Variants in ATP6V1A observed in about 807,000 individuals in gnomAD.
ATP6V1A encodes V-type proton ATPase catalytic subunit A.
Under a neutral mutation model 70.1 loss-of-function variants are expected in ATP6V1A, and 18 were observed. The observed-to-expected ratio is 0.26, with a 90% CI of 0.18 to 0.38. The LOEUF (loss-of-function observed/expected upper bound fraction) is 0.38. ATP6V1A is among the 10% of genes least tolerant of loss of function. The pLI is 1.00. For missense variants in ATP6V1A, 424 were observed against 772.4 expected (o/e 0.55, Z 5.35); for synonymous variants, 232 against 253.8 (o/e 0.91, Z 0.82).
At chr3:113,785,506 CTTTTTT>C (rs987781968) in intron 5 of ATP6V1A, among the ~76,000 whole-genome samples, 2 of 107,170 alleles carry the variant, frequency 1.9e-5, no homozygotes, top group East Asian at 2.7e-4. Context: ...TTTTTCTTTT[CTTTTTT>C]TTTTTTTTTT....
At chr3:113,771,287 T>C (rs1056247078) in intron 1 of ATP6V1A, among the ~76,000 whole-genome samples, 1 of 152,128 alleles carries the variant, frequency 6.6e-6, no homozygotes, top group African/African-American at 2.4e-5. Flanking sequence ...AGAAGAGTTA[T>C]AAACAAATTA....
chr3:113,792,322 A>C (rs1055743431), intron 8 of ATP6V1A, among the ~76,000 whole-genome samples: 1 of 151,980 alleles, frequency 6.6e-6, no homozygotes, highest in Admixed American at 6.6e-5. Context: ...TATGTTTTGC[A>C]TGCATGTTTC....
At chr3:113,800,582 G>T (rs1709200104) in intron 12 of ATP6V1A, among the ~76,000 whole-genome samples, 1 of 152,096 alleles carries the variant, frequency 6.6e-6, no homozygotes, top group Non-Finnish European at 1.5e-5. Context: ...AAAATGGATT[G>T]TTCTCTAATT....
At chr3:113,807,812 AT>A (rs1385413844) in intron 14 of ATP6V1A, among the ~76,000 whole-genome samples, 1 of 151,960 alleles carries the variant, frequency 6.6e-6, no homozygotes, top group East Asian at 1.9e-4. Flanking sequence ...GGAGAGTAAT[AT>A]TTTTCTATTC....
At chr3:113,791,214 T>C (rs1709088645) in intron 8 of ATP6V1A, among the ~76,000 whole-genome samples, 1 of 152,162 alleles carries the variant, frequency 6.6e-6, no homozygotes, top group Non-Finnish European at 1.5e-5. Flanking sequence ...TCATTTCCTC[T>C]CTACTCCTTT....
chr3:113,793,317 C>T (rs1033057505), intron 8 of ATP6V1A, among the ~76,000 whole-genome samples: 6 of 152,186 alleles, frequency 3.9e-5, no homozygotes, highest in African/African-American at 1.4e-4. Flanking sequence ...CCCACCTTGG[C>T]CTCCCAAAGT....
Position 113,809,531 on chromosome 3 carries a change from G to A in ATP6V1A, c.*104G>A. Reference sequence around the variant, plus strand: ...AAACCCTTTGCTTCTTTATTGTGCAGCTTTGAGACTAGTGCCTATGTGTGT... The same window carrying A: ...AAACCCTTTGCTTCTTTATTGTGCAACTTTGAGACTAGTGCCTATGTGTGT... On this transcript the variant is annotated 3_prime_UTR_variant, in exon 15 of 15. Transcript: ENST00000273398. 1 of 985,152 alleles carries A rather than the reference G, an allele frequency of 1.0e-6. No homozygotes were observed. Among genetic ancestry groups the A allele is most frequent in the African/African-American group, 1.7e-5 (1 of 60,102 alleles). The allele number at this position is 985,152 out of a possible 1,614,324, so 61.0% of individuals were successfully genotyped here.
At chr3:113,768,371 A>C (rs1000707373) in intron 1 of ATP6V1A, among the ~76,000 whole-genome samples, 6 of 152,090 alleles carry the variant, frequency 3.9e-5, no homozygotes, top group African/African-American at 1.4e-4. Context: ...CAATATAAAA[A>C]TATTTATTTT....
chr3:113,791,057 A>G (rs1290297518), intron 8 of ATP6V1A, among the ~76,000 whole-genome samples: 1 of 152,092 alleles, frequency 6.6e-6, no homozygotes, highest in African/African-American at 2.4e-5. Context: ...TTTTCTGGAT[A>G]CATAATGTGC....
intron 8 of ATP6V1A, among the ~76,000 whole-genome samples, chr3:113,794,601 A>G (rs1040717984): frequency 6.6e-6 from 1 of 152,206 alleles, no homozygotes; most frequent in Admixed American, 6.5e-5. Flanking sequence ...AAGAAAGAGT[A>G]TGGAAGAGCG....
chr3:113,786,121 G>T lies in ATP6V1A; in HGVS notation c.565-111G>T, dbSNP rs547639552. On this transcript the variant is annotated intron_variant, in intron 5 of 14. Transcript: ENST00000273398. ...TAATAAAAAGTATAAATCTCCCTTTGCACTTACATGTATCACCTTCCTAAC... is the reference window on the plus strand; with the variant it reads ...TAATAAAAAGTATAAATCTCCCTTTTCACTTACATGTATCACCTTCCTAAC... 3.1e-5 allele frequency: 25 copies of T among 808,494 alleles called. No individual in the cohort carries two copies. The African/African-American group carries it at 3.9e-4, about 13-fold the overall frequency. The allele number at this position is 808,494 out of a possible 1,614,324, so 50.1% of individuals were successfully genotyped here. A position where few individuals can be genotyped will look rare whatever the true frequency, so the allele number is the denominator to read the frequency against.
In ATP6V1A at chr3:113,795,305, C is replaced by T. The variant is rs999143625; in HGVS notation, c.1226+101C>T. Reference sequence around the variant, plus strand: ...TTTTAAAGAGAGAATATTTAGCTCCCGCTGGGAGCAGCGGTTCTTAAGGAG... The same window carrying T: ...TTTTAAAGAGAGAATATTTAGCTCCTGCTGGGAGCAGCGGTTCTTAAGGAG... On this transcript the variant is annotated intron_variant, in intron 10 of 14. Transcript: ENST00000273398. The T allele has an allele frequency of 1.6e-5, 20 of 1,274,388 alleles. No homozygotes were observed. The Admixed American group carries it at 3.0e-4, about 19-fold the overall frequency. The allele number at this position is 1,274,388 out of a possible 1,614,324, so 78.9% of individuals were successfully genotyped here. A position where few individuals can be genotyped will look rare whatever the true frequency, so the allele number is the denominator to read the frequency against.
In ATP6V1A at chr3:113,786,306, A is replaced by G. The variant is rs762731767; in HGVS notation, c.639A>G (p.Gln213=). The G allele has an allele frequency of 1.2e-6, 2 of 1,613,496 alleles. No homozygotes were observed. The highest frequency in any genetic ancestry group is 1.7e-6 in the Non-Finnish European group (2 of 1,179,636). The change falls in exon 6 of 15, where the codon CAA becomes CAG. Residue 213 remains glutamine, a synonymous_variant. Transcript: ENST00000273398. The stretch of plus-strand genomic sequence containing the variant: ...TGGTGCAAGTATGGCCTGTACGTCA[A>G]GTTCGACCTGTCACTGAGAAGCTGC... The part of the protein sequence containing the change: ...FTMVQVWPVR[Q]VRPVTEKLPA...
intron 6 of ATP6V1A, 53 bp downstream of exon 6, chr3:113,786,436 A>G: frequency 6.4e-7 from 1 of 1,564,888 alleles, no homozygotes; most frequent in African/African-American, 1.4e-5. Flanking sequence ...ATATGTGCTT[A>G]TGTTTTTATT....
chr3:113,799,949 C>T (rs1165692412), intron 12 of ATP6V1A, among the ~76,000 whole-genome samples: 2 of 152,072 alleles, frequency 1.3e-5, no homozygotes, highest in Admixed American at 1.3e-4. Flanking sequence ...CGCCACTTCT[C>T]AGCCAGGCGT....
Position 113,805,455 on chromosome 3 carries a change from A to G in ATP6V1A, c.1691A>G (p.Lys564Arg), listed in dbSNP as rs1414005914. ...AVETTAQSDN[K>R]ITWSIIREHM... is the part of the protein sequence containing the mutation. The stretch of plus-strand genomic sequence containing the variant: ...GAAACCACTGCCCAGAGTGACAATA[A>G]AATCACATGGTCCATTATTCGTGAG... Residue 564 changes from lysine to arginine, a missense_variant, in exon 14 of 15, where the codon AAA (lysine) becomes AGA (arginine). Transcript: ENST00000273398. The G allele has an allele frequency of 6.2e-7, 1 of 1,613,854 alleles. No homozygotes were observed. Among genetic ancestry groups the G allele is most frequent in the Non-Finnish European group, 8.5e-7 (1 of 1,179,846 alleles).
intron 1 of ATP6V1A, among the ~76,000 whole-genome samples, chr3:113,754,412 A>G (rs1265790051): frequency 6.6e-6 from 1 of 152,158 alleles, no homozygotes; most frequent in Admixed American, 6.6e-5. Context: ...ATGCACCTGT[A>G]GTCCCAGCTA....
At position 113,789,702 on chromosome 3, in the gene ATP6V1A, G is replaced by C. The variant is rs377691152; in HGVS notation, c.880-30G>C. Reference sequence around the variant, plus strand: ...GGCTAAAATGTTACCTTAGAAATTGGAGATTCACTAATATATATTTTACCT... The same window carrying C: ...GGCTAAAATGTTACCTTAGAAATTGCAGATTCACTAATATATATTTTACCT... On this transcript the variant is annotated intron_variant, in intron 7 of 14. Coordinates refer to ENST00000273398, the MANE Select transcript of ATP6V1A (RefSeq NM_001690.4). 9 of 1,495,970 alleles carry C rather than the reference G, an allele frequency of 6.0e-6. No individual in the cohort carries two copies. In the African/African-American group the frequency reaches 9.8e-5, roughly 16 times the overall value. The allele number at this position is 1,495,970 out of a possible 1,614,324, so 92.7% of individuals were successfully genotyped here.
chr3:113,765,762 CA>C (rs398052207), intron 1 of ATP6V1A, among the ~76,000 whole-genome samples: 208 of 127,194 alleles, frequency 1.6e-3, no homozygotes, highest in Admixed American at 2.6e-3. Context: ...ACTAAAAATA[CA>C]AAAAAAAAAA....
Sources: allele counts gnomAD v4.1 joint callset (sites outside exome capture counted in the v4.1 genomes callset), GRCh38; gene constraint gnomAD v4.1.1; transcripts MANE v1.5; gene names NCBI Gene and HGNC (gene_info 2026-07-23, HGNC 2026-07-21).